The following NREP variants were observed in gnomAD, a reference collection of about 807,000 sequenced individuals.
The protein encoded by NREP is neuronal regeneration-related protein.
A neutral mutation model predicts 8.6 loss-of-function variants in NREP; 5 were observed. The ratio of observed to expected loss-of-function variants is 0.58; its 90% CI spans 0.30 to 1.22. The LOEUF is 1.22. Ranked by LOEUF, NREP falls within the 50% of genes most tolerant of loss-of-function variation. NREP has a pLI of 0.07. For synonymous variants in NREP, 27 were observed against 28.0 expected, an observed-to-expected ratio of 0.96 and a Z score of 0.11; for missense variants, 86 against 82.5, an observed-to-expected ratio of 1.04 and a Z score of -0.17.
chr5:111,761,269 C>A (rs1462807824), upstream of NREP, among the ~76,000 whole-genome samples: 1 of 152,204 alleles, frequency 6.6e-6, no homozygotes, highest in East Asian at 1.9e-4. Flanking sequence ...TCCCACCTCT[C>A]CTTCTGGCCT....
At chr5:111,742,822 C>G (rs752768960) in intron 2 of NREP, among the ~76,000 whole-genome samples, 1 of 152,018 alleles carries the variant, frequency 6.6e-6, no homozygotes, top group South Asian at 2.1e-4. Context: ...AATAAGAGCA[C>G]ATTTAGCACA....
At chr5:111,826,824 C>T (rs1382721253) in intron 2 of NREP, among the ~76,000 whole-genome samples, 1 of 152,200 alleles carries the variant, frequency 6.6e-6, no homozygotes, top group African/African-American at 2.4e-5. Context: ...CCTGAGCCAC[C>T]ACACCTAGCC....
intron 2 of NREP, among the ~76,000 whole-genome samples, chr5:111,888,342 C>A (rs56027811): frequency 6.7e-6 from 1 of 150,006 alleles, no homozygotes; most frequent in African/African-American, 2.4e-5. Context: ...TGCTGGGTGG[C>A]GGGGGGGGTC....
intron 2 of NREP, among the ~76,000 whole-genome samples, chr5:111,769,584 A>C (rs973679760): frequency 5.9e-5 from 9 of 152,156 alleles, no homozygotes; most frequent in African/African-American, 2.2e-4. Context: ...GTAAAGATAC[A>C]CCTGAGACTG....
intron 2 of NREP, among the ~76,000 whole-genome samples, chr5:111,802,638 C>A (rs1752040789): frequency 1.3e-5 from 2 of 152,110 alleles, no homozygotes; most frequent in Non-Finnish European, 2.9e-5. Flanking sequence ...GAAGTGCATC[C>A]CATTATCTGA....
intron 2 of NREP, among the ~76,000 whole-genome samples, chr5:111,875,541 C>G (rs1753884275): frequency 6.6e-6 from 1 of 152,132 alleles, no homozygotes; most frequent in African/African-American, 2.4e-5. Context: ...GATAAAATTT[C>G]TTAGACCACC....
chr5:111,852,309 G>C (rs781618970), intron 2 of NREP, among the ~76,000 whole-genome samples: 5 of 152,070 alleles, frequency 3.3e-5, no homozygotes, highest in Non-Finnish European at 7.4e-5. Flanking sequence ...TGTTGCATCA[G>C]AGCCTCTAAG....
intron 2 of NREP, among the ~76,000 whole-genome samples, chr5:111,776,995 A>AGGT (rs767546640): frequency 8.4e-6 from 1 of 119,038 alleles, no homozygotes; most frequent in Non-Finnish European, 1.8e-5. Context: ...AAGGATGAGG[A>AGGT]GGAGGAGGAG....
chr5:111,937,277 G>A (rs552200128), intron 2 of NREP, among the ~76,000 whole-genome samples: 1 of 152,154 alleles, frequency 6.6e-6, no homozygotes, highest in South Asian at 2.1e-4. Flanking sequence ...GAGTCCAGGG[G>A]TCATAACTGT....
intron 2 of NREP, among the ~76,000 whole-genome samples, chr5:111,819,825 T>C (rs990357236): frequency 6.6e-6 from 1 of 152,226 alleles, no homozygotes; most frequent in African/African-American, 2.4e-5. Flanking sequence ...ATTGTGGCCT[T>C]CTTGCACTTA....
At chr5:111,951,768 GT>G (rs1371585882) in intron 2 of NREP, among the ~76,000 whole-genome samples, 1 of 151,894 alleles carries the variant, frequency 6.6e-6, no homozygotes, top group Non-Finnish European at 1.5e-5. Flanking sequence ...AATCTCAAAA[GT>G]TTTAAAATCG....
At chr5:111,813,125 A>C (rs1326574467) in intron 2 of NREP, among the ~76,000 whole-genome samples, 1 of 152,160 alleles carries the variant, frequency 6.6e-6, no homozygotes, top group Non-Finnish European at 1.5e-5. Context: ...AGAAGACCTT[A>C]TCAAGCCCAT....
At chr5:111,950,793 A>G (rs1249549106) in intron 2 of NREP, among the ~76,000 whole-genome samples, 2 of 152,108 alleles carry the variant, frequency 1.3e-5, no homozygotes, top group South Asian at 2.1e-4. Context: ...GCCAAAAAAC[A>G]CATGAAAAAA....
intron 2 of NREP, among the ~76,000 whole-genome samples, chr5:111,932,858 G>C (rs1420943255): frequency 1.3e-5 from 2 of 151,938 alleles, no homozygotes; most frequent in Non-Finnish European, 2.9e-5. Context: ...TGTTAAGCCC[G>C]AAAGTCAAGT....
At chr5:111,854,856 C>T (rs1167262909) in intron 2 of NREP, among the ~76,000 whole-genome samples, 2 of 152,138 alleles carry the variant, frequency 1.3e-5, no homozygotes, top group Non-Finnish European at 2.9e-5. Context: ...TCTTTACACA[C>T]CCATATAGAT....
At chr5:111,747,920 A>G (rs1750108277) in intron 2 of NREP, among the ~76,000 whole-genome samples, 1 of 152,158 alleles carries the variant, frequency 6.6e-6, no homozygotes, top group Non-Finnish European at 1.5e-5. Flanking sequence ...ATGGGCAACA[A>G]TTTCACTTTA....
intron 2 of NREP, among the ~76,000 whole-genome samples, chr5:111,937,231 T>C (rs1358428988): frequency 6.6e-6 from 1 of 152,108 alleles, no homozygotes; most frequent in African/African-American, 2.4e-5. Flanking sequence ...AACTGGACTT[T>C]ACTGAGAAAG....
intron 2 of NREP, among the ~76,000 whole-genome samples, chr5:111,922,315 C>T (rs901827409): frequency 6.6e-6 from 1 of 152,110 alleles, no homozygotes; most frequent in African/African-American, 2.4e-5. Context: ...TGAGTGACAG[C>T]TGCTTTAAAT....
intron 2 of NREP, among the ~76,000 whole-genome samples, chr5:111,889,250 C>G (rs1367988877): frequency 2.6e-5 from 4 of 152,168 alleles, no homozygotes; most frequent in African/African-American, 9.7e-5. Flanking sequence ...ACAGGTGTTT[C>G]ACATGTTGGA....
Sources: allele counts gnomAD v4.1 joint callset (sites outside exome capture counted in the v4.1 genomes callset), GRCh38; gene constraint gnomAD v4.1.1; transcripts MANE v1.5; gene names NCBI Gene and HGNC (gene_info 2026-07-23, HGNC 2026-07-21).